PCSK5: variants seen among roughly 807,000 people sequenced by gnomAD.
PCSK5 encodes the protein prohormone convertase 5.
In PCSK5, 129 loss-of-function variants were observed where a neutral mutation model predicts 233.2. The ratio of observed to expected loss-of-function variants is 0.55; its 90% CI spans 0.48 to 0.64. PCSK5 has a LOEUF of 0.64. Among genes scored for constraint, PCSK5 ranks in the 30% least tolerant of loss-of-function variants. The probability of loss-of-function intolerance (pLI) is 0.00; values close to 1 mark genes in which losing one functional copy is unlikely to be tolerated. For missense variants in PCSK5, 2,076 were observed against 2,430.1 expected, an observed-to-expected ratio of 0.85 and a Z score of 3.06; for synonymous variants, 825 against 879.2, an observed-to-expected ratio of 0.94 and a Z score of 1.09.
chr9:76,043,974 C>A (rs919758890), intron 5 of PCSK5, among the ~76,000 whole-genome samples: 11 of 151,890 alleles, frequency 7.2e-5, no homozygotes, highest in African/African-American at 2.7e-4. Flanking sequence ...CACACATGTA[C>A]CCCTAACTAA....
chr9:75,951,550 A>T (rs1319460428), intron 2 of PCSK5, among the ~76,000 whole-genome samples: 1 of 152,200 alleles, frequency 6.6e-6, no homozygotes, highest in Non-Finnish European at 1.5e-5. Context: ...CTTCAAAAGG[A>T]TAGACATAGA....
chr9:76,255,068 C>T (rs1826939401), intron 24 of PCSK5, among the ~76,000 whole-genome samples: 1 of 152,114 alleles, frequency 6.6e-6, no homozygotes, highest in South Asian at 2.1e-4. Flanking sequence ...GGGTGGATCA[C>T]TTGAGGCCAG....
At chr9:76,055,193 G>T (rs946437713) in intron 5 of PCSK5, among the ~76,000 whole-genome samples, 1 of 151,916 alleles carries the variant, frequency 6.6e-6, no homozygotes, top group Non-Finnish European at 1.5e-5. Flanking sequence ...GGCTATCAAA[G>T]GATCTCTGAA....
In PCSK5 at chr9:76,189,016, A is replaced by G. The variant is rs866797641; in HGVS notation, c.2381-78A>G. 3.5e-5 allele frequency: 44 copies of G among 1,256,760 alleles called. No individual in the cohort carries two copies. The Middle Eastern group carries it at 1.4e-3, about 39-fold the overall frequency. 77.9% of individuals were successfully genotyped at this position (1,256,760 alleles called of 1,614,324 possible). A position where few individuals can be genotyped will look rare whatever the true frequency, so the allele number is the denominator to read the frequency against. On this transcript the variant is annotated intron_variant, in intron 18 of 37. Transcript: ENST00000674117. ...TTATTCTTTGACGCCATTTTCTCAA[A>G]CTGTTAAAGAAGAAGCCCATGACAC... is the stretch of plus-strand genomic sequence containing the variant.
intron 5 of PCSK5, among the ~76,000 whole-genome samples, chr9:76,049,374 C>T (rs2131553077): frequency 6.6e-6 from 1 of 152,266 alleles, no homozygotes; most frequent in South Asian, 2.1e-4. Flanking sequence ...TGGTTTAGTA[C>T]TTCCATAATG....
chr9:76,312,751 A>G (rs1249600857), intron 30 of PCSK5, among the ~76,000 whole-genome samples: 1 of 152,200 alleles, frequency 6.6e-6, no homozygotes, highest in Non-Finnish European at 1.5e-5. Context: ...TGCAATATCA[A>G]TATATTGTAT....
At chr9:75,940,124 A>G (rs1824232393) in intron 2 of PCSK5, among the ~76,000 whole-genome samples, 1 of 152,202 alleles carries the variant, frequency 6.6e-6, no homozygotes, top group Non-Finnish European at 1.5e-5. Context: ...CTGTTTGAAC[A>G]TTTCCAATCA....
intron 1 of PCSK5, among the ~76,000 whole-genome samples, chr9:75,903,966 G>A (rs1245300281): frequency 1.3e-5 from 2 of 151,962 alleles, no homozygotes; most frequent in African/African-American, 2.4e-5. Flanking sequence ...CATCAATTTC[G>A]AAGTTTCTCA....
intron 8 of PCSK5, among the ~76,000 whole-genome samples, chr9:76,096,516 A>G (rs1222907471): frequency 1.3e-5 from 2 of 152,112 alleles, no homozygotes; most frequent in Admixed American, 1.3e-4. Flanking sequence ...TTCAGTGTGA[A>G]AAACAAAAGT....
At position 76,284,189 on chromosome 9, in the gene PCSK5, G is replaced by A. The variant is rs183284932; in HGVS notation, c.3143-8044G>A. Among the ~76,000 whole-genome samples the A allele has an allele frequency of 1.6e-4, 24 of 151,974 alleles. No homozygotes were observed. The East Asian group carries it at 3.7e-3, about 23-fold the overall frequency. On this transcript the variant is annotated intron_variant, in intron 24 of 37. Coordinates refer to ENST00000674117, the MANE Select transcript of PCSK5 (RefSeq NM_001372043.1). ...CTTCAATCTTAAATGTTCTACTCTA[G>A]CACATCTCTTTAATGTATGTGAAAT...
At chr9:76,239,642 T>G (rs1826366827) in intron 23 of PCSK5, among the ~76,000 whole-genome samples, 1 of 140,350 alleles carries the variant, frequency 7.1e-6, no homozygotes, top group East Asian at 2.1e-4. Flanking sequence ...GTTGCAGTGA[T>G]CCGAGATCAC....
At chr9:76,354,690 T>C (rs917306150) in intron 37 of PCSK5, among the ~76,000 whole-genome samples, 2 of 152,046 alleles carry the variant, frequency 1.3e-5, no homozygotes, top group Admixed American at 6.6e-5. Context: ...GGTGAGAGGA[T>C]CTCTTGAGCC....
At chr9:76,282,420 C>G (rs143217212) in intron 24 of PCSK5, among the ~76,000 whole-genome samples, 1 of 144,250 alleles carries the variant, frequency 6.9e-6, no homozygotes, top group East Asian at 2.1e-4. Flanking sequence ...CCGAGGCTAA[C>G]GCAATCCTCC....
intron 1 of PCSK5, among the ~76,000 whole-genome samples, chr9:75,900,572 G>A (rs1373565339): frequency 2.6e-5 from 4 of 151,112 alleles, no homozygotes; most frequent in African/African-American, 7.3e-5. Context: ...GCAGCTACCC[G>A]GGAGGCTGAG....
At chr9:76,174,856 A>T (rs909642387) in intron 13 of PCSK5, 130 bp from the exon 14 acceptor site, 11 of 724,326 alleles carry the variant, frequency 1.5e-5, no homozygotes, top group Non-Finnish European at 2.4e-5. Context: ...TCTGCGTTTG[A>T]TGTAGTGATT....
At chr9:76,320,465 C>CTTCTTTTTTTTTTTTTTTTTTT (rs1554720984) in intron 30 of PCSK5, among the ~76,000 whole-genome samples, 1 of 102,022 alleles carries the variant, frequency 9.8e-6, no homozygotes. Flanking sequence ...TACATTGTAG[C>CTTCTTTTTTTTTTTTTTTTTTT]TTTTTTTTTT....
chr9:76,001,821 G>T (rs1038164020), intron 3 of PCSK5, among the ~76,000 whole-genome samples: 1 of 152,130 alleles, frequency 6.6e-6, no homozygotes, highest in African/African-American at 2.4e-5. Flanking sequence ...CCAAGAAAAT[G>T]AAAGATTAAA....
intron 29 of PCSK5, among the ~76,000 whole-genome samples, chr9:76,309,910 T>C (rs977773032): frequency 4.6e-5 from 7 of 152,152 alleles, no homozygotes; most frequent in African/African-American, 1.7e-4. Context: ...TGAGTATCAG[T>C]TGTTTTTCGA....
At chr9:75,999,798 C>T (rs111933739) in intron 3 of PCSK5, among the ~76,000 whole-genome samples, 1,751 of 152,320 alleles carry the variant, frequency 0.011, 20 homozygotes, top group South Asian at 0.045. Flanking sequence ...CAGTTCAACT[C>T]CCAGACCTAA....
Sources: allele counts gnomAD v4.1 joint callset (sites outside exome capture counted in the v4.1 genomes callset), GRCh38; gene constraint gnomAD v4.1.1; transcripts MANE v1.5; gene names NCBI Gene and HGNC (gene_info 2026-07-23, HGNC 2026-07-21).